Variants in ETNK1 observed in about 807,000 individuals in gnomAD.
The protein encoded by ETNK1 is ethanolamine kinase 1.
In ETNK1, 8 loss-of-function variants were observed where a neutral mutation model predicts 45.1. That is an observed-to-expected ratio of 0.18 (90% CI 0.10 to 0.32). The LOEUF (loss-of-function observed/expected upper bound fraction) is 0.32. Among genes scored for constraint, ETNK1 ranks in the 10% least tolerant of loss-of-function variants. The pLI, the probability that ETNK1 is intolerant of heterozygous loss-of-function variation, is 1.00. For synonymous variants in ETNK1, 152 were observed against 151.9 expected (o/e 1.00, Z -0.01); for missense variants, 302 against 430.6 (o/e 0.70, Z 2.64).
chr12:22,656,674 G>C, intron 2 of ETNK1: 2 of 985,268 alleles, frequency 2.0e-6, no homozygotes, highest in Non-Finnish European at 2.4e-6. Context: ...TCCAGCACGT[G>C]TGTCCCCTTT....
rs991656549 is a variant in ETNK1, at chr12:22,671,427, A to G, written c.784+72A>G. The G allele has an allele frequency of 3.9e-6, 4 of 1,015,608 alleles. No homozygotes were observed. In the African/African-American group the frequency reaches 4.8e-5, roughly 12 times the overall value. The allele number at this position is 1,015,608 out of a possible 1,614,324, so 62.9% of individuals were successfully genotyped here. On this transcript the variant is annotated intron_variant, in intron 5 of 7. Transcript: ENST00000266517. ...GAATATTTCATTCTTTTTTTAAAGT[A>G]GATAAACCGTGAGCAGGGGGAACAT...
intron 6 of ETNK1, among the ~76,000 whole-genome samples, chr12:22,681,929 G>C (rs1042299465): frequency 2.0e-5 from 3 of 152,044 alleles, no homozygotes; most frequent in Non-Finnish European, 4.4e-5. Flanking sequence ...TTTGATACTA[G>C]ACCAAAGCTC....
rs537910254 is a variant in ETNK1 at position 22,667,463 on chromosome 12, G to A, written c.701-3809G>A. ...AGGAGGCTGTGTATCTTGTAGTGGA[G>A]GAGTCCAATCACTGAACAGATACTT... On this transcript the variant is annotated intron_variant, in intron 4 of 7. Coordinates refer to ENST00000266517, the MANE Select transcript of ETNK1 (RefSeq NM_018638.5). Among the ~76,000 whole-genome samples, 19 of 152,264 alleles carry A rather than the reference G, an allele frequency of 1.2e-4. No individual in the cohort carries two copies. In the South Asian group the frequency reaches 3.7e-3, roughly 30 times the overall value.
chr12:22,681,675 C>T (rs538041225), intron 6 of ETNK1, among the ~76,000 whole-genome samples: 1 of 151,836 alleles, frequency 6.6e-6, no homozygotes, highest in African/African-American at 2.4e-5. Flanking sequence ...AACGCAAATG[C>T]CATAAATAGA....
intron 4 of ETNK1, among the ~76,000 whole-genome samples, chr12:22,666,978 A>G (rs898112284): frequency 6.6e-6 from 1 of 152,286 alleles, no homozygotes; most frequent in East Asian, 1.9e-4. Flanking sequence ...AAATAAATAC[A>G]AATTGATTTT....
intron 6 of ETNK1, among the ~76,000 whole-genome samples, chr12:22,677,764 C>A (rs10842049): frequency 6.6e-6 from 1 of 151,944 alleles, no homozygotes; most frequent in African/African-American, 2.4e-5. Context: ...TAATTCTCTT[C>A]GCAGCAATTG....
chr12:22,658,105 G>A (rs1186495648), intron 2 of ETNK1, among the ~76,000 whole-genome samples: 1 of 151,474 alleles, frequency 6.6e-6, no homozygotes, highest in African/African-American at 2.5e-5. Context: ...TTGTTTTGAA[G>A]TTCCTTAGGA....
rs770979486 is a variant in ETNK1, at chr12:22,643,745, A to T, written c.157-18A>T. On this transcript the variant is annotated intron_variant, in intron 1 of 7. Transcript: ENST00000266517. The stretch of plus-strand genomic sequence containing the variant: ...GATAATTGCTTTTTTTCCCATTTTT[A>T]AAAAAAATTTTTGGCAGCTCTTCAC... The T allele has an allele frequency of 6.1e-5, 95 of 1,557,598 alleles. No individual in the cohort carries two copies. The highest frequency in any genetic ancestry group is 2.5e-4 in the African/African-American group (18 of 72,662).
rs3983448 is a variant in ETNK1, at chr12:22,686,851, A to ATTTTTTTTTT, written c.*1916_*1925dup. On this transcript the variant is annotated 3_prime_UTR_variant, in exon 8 of 8. Transcript: ENST00000266517. The stretch of plus-strand genomic sequence containing the variant: ...AGATAAAGAATGTGTAATACTCTTA[A>ATTTTTTTTTT]TTTTTTTTTTTTTTTTTTTTTTTTT... 141 of 69,264 alleles carry ATTTTTTTTTT rather than the reference A, an allele frequency of 2.0e-3. 6 individuals are homozygous for ATTTTTTTTTT. Among genetic ancestry groups the ATTTTTTTTTT allele is most frequent in the Middle Eastern group, 0.011 (1 of 94 alleles). The allele number at this position is 69,264 out of a possible 1,614,324, so 4.3% of individuals were successfully genotyped here. A position where few individuals can be genotyped will look rare whatever the true frequency, so the allele number is the denominator to read the frequency against.
At chr12:22,668,076 C>A (rs1033022568) in intron 4 of ETNK1, among the ~76,000 whole-genome samples, 1 of 152,078 alleles carries the variant, frequency 6.6e-6, no homozygotes, top group Non-Finnish European at 1.5e-5. Flanking sequence ...CACACCTAGC[C>A]CTTAAAGTAG....
chr12:22,630,257 C>CA (rs1555217953), intron 1 of ETNK1, among the ~76,000 whole-genome samples: 3 of 152,138 alleles, frequency 2.0e-5, no homozygotes, highest in Non-Finnish European at 4.4e-5. Flanking sequence ...TACGTTCTTC[C>CA]ACCTCTCATT....
Sources: gnomAD v4.1 joint callset for allele counts (sites outside exome capture counted in the v4.1 genomes callset) on GRCh38, gnomAD v4.1.1 for gene constraint, MANE v1.5 for transcripts, NCBI Gene and HGNC (gene_info 2026-07-23, HGNC 2026-07-21) for gene names.